The following HS6ST3 variants were observed in gnomAD, a reference collection of about 807,000 sequenced individuals.
HS6ST3 encodes heparan-sulfate 6-O-sulfotransferase 3.
In HS6ST3, 12 loss-of-function variants were observed where a neutral mutation model predicts 36.7. The ratio of observed to expected loss-of-function variants is 0.33; its 90% CI spans 0.21 to 0.53. The LOEUF (loss-of-function observed/expected upper bound fraction) is 0.53, where lower values mean the gene tolerates loss of function less well. HS6ST3 is among the 20% of genes least tolerant of loss of function. The probability of loss-of-function intolerance (pLI) is 0.95; values close to 1 mark genes in which losing one functional copy is unlikely to be tolerated. For missense variants in HS6ST3, 584 were observed against 640.9 expected (o/e 0.91, Z 0.96); for synonymous variants, 240 against 257.5 (o/e 0.93, Z 0.65).
chr13:96,710,787 G>C (rs1166082166), intron 1 of HS6ST3, among the ~76,000 whole-genome samples: 2 of 152,212 alleles, frequency 1.3e-5, no homozygotes, highest in Non-Finnish European at 2.9e-5. Context: ...CTCTTGGCCT[G>C]GTGACCAGGA....
At chr13:96,694,950 GGTCAAAACT>G (rs1875083882) in intron 1 of HS6ST3, among the ~76,000 whole-genome samples, 1 of 152,040 alleles carries the variant, frequency 6.6e-6, no homozygotes, top group African/African-American at 2.4e-5. Context: ...CTAGAAACTC[GGTCAAAACT>G]GTCTTTAAAA....
At chr13:96,333,860 G>C (rs970295283) in intron 1 of HS6ST3, among the ~76,000 whole-genome samples, 1 of 152,128 alleles carries the variant, frequency 6.6e-6, no homozygotes, top group Non-Finnish European at 1.5e-5. Flanking sequence ...TGCATCAAGG[G>C]ACAGGGTAAC....
At chr13:96,210,734 C>T (rs2054395058) in intron 1 of HS6ST3, among the ~76,000 whole-genome samples, 2 of 151,500 alleles carry the variant, frequency 1.3e-5, no homozygotes, top group South Asian at 4.2e-4. Context: ...GGTGGGATTA[C>T]AGACATGTGC....
chr13:96,425,398 A>G (rs1324436373), intron 1 of HS6ST3, among the ~76,000 whole-genome samples: 7 of 152,108 alleles, frequency 4.6e-5, no homozygotes. Context: ...TGCCAAGTCC[A>G]TATTTGGCTT....
chr13:96,630,874 C>T (rs2056529672), intron 1 of HS6ST3, among the ~76,000 whole-genome samples: 1 of 152,118 alleles, frequency 6.6e-6, no homozygotes, highest in Non-Finnish European at 1.5e-5. Context: ...GGAAAATTCA[C>T]TTTCAGAAAT....
chr13:96,394,861 A>T (rs729175), intron 1 of HS6ST3, among the ~76,000 whole-genome samples: 48,259 of 152,146 alleles, frequency 0.32, 8,392 homozygotes, highest in Non-Finnish European at 0.4. Flanking sequence ...ACAGAATTGT[A>T]GTAGCAAATA....
At chr13:96,092,286 G>A (rs2053768771) in intron 1 of HS6ST3, among the ~76,000 whole-genome samples, 1 of 152,172 alleles carries the variant, frequency 6.6e-6, no homozygotes, top group African/African-American at 2.4e-5. Context: ...CAGGGTGCCT[G>A]ACAGTGTGCT....
chr13:96,367,733 G>A (rs779429980), intron 1 of HS6ST3, among the ~76,000 whole-genome samples: 2 of 152,176 alleles, frequency 1.3e-5, no homozygotes, highest in African/African-American at 2.4e-5. Context: ...TGTTCTAGAC[G>A]TCAGTTACAT....
intron 1 of HS6ST3, among the ~76,000 whole-genome samples, chr13:96,576,434 G>A (rs1031925171): frequency 2.0e-5 from 3 of 152,188 alleles, no homozygotes; most frequent in Non-Finnish European, 2.9e-5. Flanking sequence ...AGGGTGATCA[G>A]CTCTGGACTA....
chr13:96,639,855 G>C (rs568203050), intron 1 of HS6ST3, among the ~76,000 whole-genome samples: 2 of 152,092 alleles, frequency 1.3e-5, no homozygotes, highest in East Asian at 3.9e-4. Flanking sequence ...ACGGTCACCA[G>C]CTACATTCAT....
At chr13:96,729,814 C>T (rs1253223707) in intron 1 of HS6ST3, among the ~76,000 whole-genome samples, 4 of 152,158 alleles carry the variant, frequency 2.6e-5, no homozygotes, top group African/African-American at 9.7e-5. Flanking sequence ...TTAAAAATAA[C>T]TTACACTTTC....
intron 1 of HS6ST3, among the ~76,000 whole-genome samples, chr13:96,515,336 G>C (rs2056068069): frequency 6.6e-6 from 1 of 152,232 alleles, no homozygotes; most frequent in Non-Finnish European, 1.5e-5. Flanking sequence ...AAATTGTGGG[G>C]ATTGGACCAT....
intron 1 of HS6ST3, among the ~76,000 whole-genome samples, chr13:96,816,518 A>T (rs540881637): frequency 1.3e-5 from 2 of 152,220 alleles, no homozygotes; most frequent in Admixed American, 1.3e-4. Flanking sequence ...GATTTGTTTA[A>T]CAACAGTGAT....
At chr13:96,593,185 T>TTC (rs2056389519) in intron 1 of HS6ST3, among the ~76,000 whole-genome samples, 1 of 99,760 alleles carries the variant, frequency 1.0e-5, no homozygotes, top group African/African-American at 3.8e-5. Flanking sequence ...TTTTTTTTTT[T>TTC]TTTTTTTTTT....
intron 1 of HS6ST3, among the ~76,000 whole-genome samples, chr13:96,719,753 C>T (rs901772037): frequency 3.5e-4 from 54 of 152,138 alleles, no homozygotes; most frequent in Non-Finnish European, 7.2e-4. Flanking sequence ...GCACCTCTAC[C>T]GTTACCTGTA....
At chr13:96,365,348 T>A (rs2055258009) in intron 1 of HS6ST3, among the ~76,000 whole-genome samples, 1 of 152,218 alleles carries the variant, frequency 6.6e-6, no homozygotes, top group South Asian at 2.1e-4. Flanking sequence ...ATGTTTTGTG[T>A]TTATGAATAT....
chr13:96,794,545 TA>T (rs775784558), intron 1 of HS6ST3, among the ~76,000 whole-genome samples: 14 of 152,110 alleles, frequency 9.2e-5, no homozygotes, highest in Non-Finnish European at 1.5e-4. Flanking sequence ...GTAAATCTTC[TA>T]TTTGACAAAT....
intron 1 of HS6ST3, among the ~76,000 whole-genome samples, chr13:96,814,653 A>G (rs1878383563): frequency 6.6e-6 from 1 of 152,104 alleles, no homozygotes; most frequent in African/African-American, 2.4e-5. Flanking sequence ...GATATTGGAC[A>G]TACAGATTCC....
intron 1 of HS6ST3, among the ~76,000 whole-genome samples, chr13:96,406,365 A>G (rs1261414110): frequency 6.6e-6 from 1 of 151,994 alleles, no homozygotes; most frequent in Non-Finnish European, 1.5e-5. Context: ...ACCATTACCT[A>G]TTTTTGTGCG....
Sources: allele counts gnomAD v4.1 joint callset (sites outside exome capture counted in the v4.1 genomes callset), GRCh38; gene constraint gnomAD v4.1.1; transcripts MANE v1.5; gene names NCBI Gene and HGNC (gene_info 2026-07-23, HGNC 2026-07-21).